CNTN6: variants seen among roughly 807,000 people sequenced by gnomAD.
CNTN6 encodes the protein contactin 6.
CNTN6 carries 137 observed loss-of-function variants against 122.8 expected under a neutral mutation model. That is an observed-to-expected ratio of 1.12 (90% confidence interval 0.97 to 1.29). The LOEUF is 1.29. Ranked by LOEUF, CNTN6 falls within the 50% of genes most tolerant of loss-of-function variation. The pLI is 0.00. For missense variants in CNTN6, 1,634 were observed against 1,223.4 expected (o/e 1.34, Z -5.01); for synonymous variants, 570 against 426.0 (o/e 1.34, Z -4.16).
At chr3:1,107,573 A>G (rs1239311359) in intron 1 of CNTN6, among the ~76,000 whole-genome samples, 1 of 152,142 alleles carries the variant, frequency 6.6e-6, no homozygotes, top group African/African-American at 2.4e-5. Context: ...CCAAAAGATC[A>G]AAGTAAAATG....
intron 1 of CNTN6, among the ~76,000 whole-genome samples, chr3:1,118,650 C>A (rs370342773): frequency 2.0e-5 from 3 of 152,098 alleles, no homozygotes; most frequent in Non-Finnish European, 4.4e-5. Context: ...TTTCCTAAAT[C>A]GATCCAATTC....
intron 2 of CNTN6, among the ~76,000 whole-genome samples, chr3:1,165,009 T>C (rs1398840270): frequency 6.6e-6 from 1 of 152,130 alleles, no homozygotes; most frequent in African/African-American, 2.4e-5. Flanking sequence ...AATAAGGTAA[T>C]AAAGACTGTT....
rs942034257 is a variant in CNTN6 at position 1,180,230 on chromosome 3, TGA to T, written c.55+32172_55+32173del. On this transcript the variant is annotated intron_variant, in intron 2 of 22. Coordinates refer to ENST00000446702, the MANE Select transcript of CNTN6 (RefSeq NM_001289080.2). ...GAAGGAGAAAGAGAGAGAGAGACAGTGAGAGAAAGATACATAAAGAAAGAGCA... is the reference window on the plus strand; with the variant it reads ...GAAGGAGAAAGAGAGAGAGAGACAGTGAGAAAGATACATAAAGAAAGAGCA... Among the ~76,000 whole-genome samples, 88 of 151,772 alleles carry T rather than the reference TGA, an allele frequency of 5.8e-4. 1 individual carries two copies. Among genetic ancestry groups the T allele is most frequent in the African/African-American group, 2.1e-3 (86 of 41,314 alleles).
At chr3:1,372,171 G>T in intron 12 of CNTN6, 128 bp from the exon 13 acceptor site, 1 of 571,988 alleles carries the variant, frequency 1.7e-6, no homozygotes. Flanking sequence ...ATTTCATACT[G>T]GACATTGTAG....
Position 1,234,447 on chromosome 3 carries a change from T to G in CNTN6, c.358+6454T>G, listed in dbSNP as rs115273562. Among the ~76,000 whole-genome samples, 1,186 of 152,208 alleles carry G rather than the reference T, an allele frequency of 7.8e-3. 15 individuals are homozygous for G. Among genetic ancestry groups the G allele is most frequent in the African/African-American group, 0.027 (1,126 of 41,536 alleles). On this transcript the variant is annotated intron_variant, in intron 4 of 22. Transcript: ENST00000446702. ...AAATAAATTTTAAGAGTTTCCAAAT[T>G]TCTTTAAAATTCTTTCATATATAAG...
chr3:1,397,173 T>C (rs936727594), intron 20 of CNTN6, among the ~76,000 whole-genome samples: 1 of 152,166 alleles, frequency 6.6e-6, no homozygotes, highest in Non-Finnish European at 1.5e-5. Context: ...AGCAAGATCT[T>C]TGCCAACCGG....
chr3:1,305,341 A>G (rs1196354951), intron 7 of CNTN6, among the ~76,000 whole-genome samples: 1 of 152,220 alleles, frequency 6.6e-6, no homozygotes, highest in Non-Finnish European at 1.5e-5. Context: ...TAATTGTCTT[A>G]ACTTTAATTG....
chr3:1,331,986 A>C (rs1350392102), intron 11 of CNTN6, among the ~76,000 whole-genome samples: 1 of 151,956 alleles, frequency 6.6e-6, no homozygotes, highest in Non-Finnish European at 1.5e-5. Flanking sequence ...TAATAATCAT[A>C]TCAGCTCAGC....
At chr3:1,400,566 T>C (rs1695560563) in intron 20 of CNTN6, among the ~76,000 whole-genome samples, 1 of 152,150 alleles carries the variant, frequency 6.6e-6, no homozygotes, top group African/African-American at 2.4e-5. Flanking sequence ...CAGTTTGTGA[T>C]GATTTTCCCC....
chr3:1,379,521 A>G (rs1710352869), intron 17 of CNTN6, among the ~76,000 whole-genome samples: 1 of 152,076 alleles, frequency 6.6e-6, no homozygotes, highest in Admixed American at 6.6e-5. Context: ...CCTCAGCATC[A>G]CACAGTATAT....
chr3:1,195,371 A>G (rs2093761737), intron 2 of CNTN6, among the ~76,000 whole-genome samples: 1 of 152,132 alleles, frequency 6.6e-6, no homozygotes, highest in South Asian at 2.1e-4. Flanking sequence ...TCTTGGGTTC[A>G]TGATACCTGA....
intron 2 of CNTN6, among the ~76,000 whole-genome samples, chr3:1,173,681 AAATG>A: frequency 6.6e-6 from 1 of 152,300 alleles, no homozygotes; most frequent in South Asian, 2.1e-4. Flanking sequence ...GCGGTTGACA[AAATG>A]AATGCATTTC....
chr3:1,360,161 T>C (rs1707242687), intron 12 of CNTN6, among the ~76,000 whole-genome samples: 1 of 152,090 alleles, frequency 6.6e-6, no homozygotes, highest in Non-Finnish European at 1.5e-5. Flanking sequence ...GTGGTTTAGT[T>C]TGAAGTAGAA....
chr3:1,158,911 T>A (rs1340798991), intron 2 of CNTN6, among the ~76,000 whole-genome samples: 1 of 108,470 alleles, frequency 9.2e-6, no homozygotes, highest in Non-Finnish European at 1.8e-5. Flanking sequence ...CACATATATA[T>A]ACACACACAT....
In CNTN6 at chr3:1,148,151, C is replaced by A. The variant is rs1409571091; in HGVS notation, c.55+88C>A. On this transcript the variant is annotated intron_variant, in intron 2 of 22. Coordinates refer to ENST00000446702, the MANE Select transcript of CNTN6 (RefSeq NM_001289080.2). ...TGGGTGAAGCAATTTTCAAAATGCACAATTTGTATGTTATTTGAATGACTA... is the reference window on the plus strand; with the variant it reads ...TGGGTGAAGCAATTTTCAAAATGCAAAATTTGTATGTTATTTGAATGACTA... 3 of 966,248 alleles carry A rather than the reference C, an allele frequency of 3.1e-6. No individual in the cohort carries two copies. The African/African-American group carries it at 4.8e-5, about 15-fold the overall frequency. 59.9% of individuals were successfully genotyped at this position (966,248 alleles called of 1,614,324 possible).
intron 2 of CNTN6, among the ~76,000 whole-genome samples, chr3:1,154,751 A>G (rs1476912072): frequency 2.0e-5 from 3 of 152,090 alleles, no homozygotes; most frequent in African/African-American, 7.2e-5. Flanking sequence ...CCCAGGATTG[A>G]TAACATTTTT....
rs138556388 is a variant in CNTN6 at position 1,113,435 on chromosome 3, T to C, written c.-83+20315T>C. 4.7e-3 allele frequency among the ~76,000 whole-genome samples: 714 copies of C among 152,212 alleles called. 11 individuals are homozygous for C. The highest frequency in any genetic ancestry group is 0.029 in the Admixed American group (436 of 15,280). On this transcript the variant is annotated intron_variant, in intron 1 of 22. Transcript: ENST00000446702. ...GTTGAGAAGATAAGTAAATAACAAA[T>C]TATCATATGAAAAATGTGAGACTGG...
chr3:1,319,726 A>T (rs183480331), intron 7 of CNTN6, among the ~76,000 whole-genome samples: 2 of 151,650 alleles, frequency 1.3e-5, no homozygotes, highest in Admixed American at 1.3e-4. Flanking sequence ...CAAATATTAG[A>T]GCTCTATTTT....
At chr3:1,159,385 C>T (rs763871839) in intron 2 of CNTN6, among the ~76,000 whole-genome samples, 5 of 151,958 alleles carry the variant, frequency 3.3e-5, no homozygotes, top group African/African-American at 4.8e-5. Context: ...TGGAATGGAG[C>T]AGGATGGTGT....
Sources: allele counts gnomAD v4.1 joint callset (sites outside exome capture counted in the v4.1 genomes callset), GRCh38; gene constraint gnomAD v4.1.1; transcripts MANE v1.5; gene names NCBI Gene and HGNC (gene_info 2026-07-23, HGNC 2026-07-21).